RAB7A: variants seen among roughly 807,000 people sequenced by gnomAD.
RAB7A encodes the protein ras-related protein Rab-7a.
RAB7A carries 2 observed loss-of-function variants against 24.5 expected under a neutral mutation model. That is an observed-to-expected ratio of 0.08 (90% CI 0.03 to 0.26). The LOEUF (loss-of-function observed/expected upper bound fraction) is 0.26, where lower values mean the gene tolerates loss of function less well. Ranked by LOEUF, RAB7A falls within the 10% of genes least tolerant of loss-of-function variation. The pLI is 1.00. For synonymous variants in RAB7A, 100 were observed against 95.9 expected, an observed-to-expected ratio of 1.04 and a Z score of -0.25; for missense variants, 118 against 255.7, an observed-to-expected ratio of 0.46 and a Z score of 3.67.
At chr3:128,791,511 T>C (rs751677182) in intron 1 of RAB7A, among the ~76,000 whole-genome samples, 46 of 152,294 alleles carry the variant, frequency 3.0e-4, no homozygotes, top group Non-Finnish European at 5.0e-4. Context: ...CAAAATCCTT[T>C]CCTTGCATGA....
intron 2 of RAB7A, among the ~76,000 whole-genome samples, chr3:128,797,277 A>G (rs755750374): frequency 1.8e-4 from 28 of 152,200 alleles, no homozygotes; most frequent in Admixed American, 3.3e-4. Flanking sequence ...AAGAAAGGTG[A>G]TATCACTGGC....
intron 1 of RAB7A, among the ~76,000 whole-genome samples, chr3:128,729,831 A>G (rs987463136): frequency 6.6e-6 from 1 of 152,212 alleles, no homozygotes; most frequent in Non-Finnish European, 1.5e-5. Context: ...AGCTGTAGGC[A>G]GGCTTTTCCT....
intron 2 of RAB7A, among the ~76,000 whole-genome samples, chr3:128,795,815 G>A (rs1451831639): frequency 2.3e-5 from 3 of 132,358 alleles, no homozygotes; most frequent in African/African-American, 5.5e-5. Context: ...GCAGTGGCGC[G>A]ATCTCGGCTC....
At chr3:128,784,085 C>A (rs1933277983) in intron 1 of RAB7A, among the ~76,000 whole-genome samples, 1 of 152,208 alleles carries the variant, frequency 6.6e-6, no homozygotes, top group Non-Finnish European at 1.5e-5. Context: ...AGATAGACTT[C>A]AGCCATAAAA....
chr3:128,780,493 T>C (rs1476751506), intron 1 of RAB7A, among the ~76,000 whole-genome samples: 1 of 152,170 alleles, frequency 6.6e-6, no homozygotes, highest in Non-Finnish European at 1.5e-5. Context: ...CTTACCAGCT[T>C]ATAGAGAACT....
At chr3:128,785,540 G>T (rs759825955) in intron 1 of RAB7A, 2 of 152,102 alleles carry the variant, frequency 1.3e-5, no homozygotes, top group African/African-American at 2.4e-5. Flanking sequence ...AGGCAGATCA[G>T]TTGAATTCAG....
At chr3:128,759,553 A>G (rs1401849004) in intron 1 of RAB7A, among the ~76,000 whole-genome samples, 1 of 152,248 alleles carries the variant, frequency 6.6e-6, no homozygotes, top group Non-Finnish European at 1.5e-5. Flanking sequence ...AGCTTTTGAA[A>G]TAGAAGCAAA....
intron 1 of RAB7A, among the ~76,000 whole-genome samples, chr3:128,759,648 C>G (rs1161211094): frequency 6.6e-6 from 1 of 152,170 alleles, no homozygotes; most frequent in African/African-American, 2.4e-5. Context: ...GTTACAACAC[C>G]CCATGGTACC....
intron 1 of RAB7A, among the ~76,000 whole-genome samples, chr3:128,738,189 C>T (rs996564625): frequency 3.3e-5 from 5 of 152,040 alleles, no homozygotes; most frequent in African/African-American, 7.3e-5. Context: ...TGTGCCACTA[C>T]GCCCAGTTAA....
In RAB7A at chr3:128,813,622, T is replaced by A; in HGVS notation, c.*200T>A. ...ACACACGCACACACACACACACAGA[T>A]CTGACGTAATCAAACTCCAGCCCTT... On this transcript the variant is annotated 3_prime_UTR_variant, in exon 6 of 6. Coordinates refer to ENST00000265062, the MANE Select transcript of RAB7A (RefSeq NM_004637.6). The A allele has an allele frequency of 1.6e-6, 1 of 612,320 alleles. No individual in the cohort carries two copies. The highest frequency in any genetic ancestry group is 3.0e-6 in the Non-Finnish European group (1 of 333,238). The allele number at this position is 612,320 out of a possible 1,614,324, so 37.9% of individuals were successfully genotyped here. A position where few individuals can be genotyped will look rare whatever the true frequency, so the allele number is the denominator to read the frequency against.
intron 5 of RAB7A, among the ~76,000 whole-genome samples, chr3:128,809,632 C>T (rs1174599061): frequency 6.6e-6 from 1 of 152,158 alleles, no homozygotes; most frequent in Non-Finnish European, 1.5e-5. Flanking sequence ...TTTTAAGTTT[C>T]TATGTTTCCT....
chr3:128,806,741 T>C, intron 4 of RAB7A, 151 bp downstream of exon 4: 1 of 837,694 alleles, frequency 1.2e-6, no homozygotes. Context: ...CCAACTGCCT[T>C]TAAGGACCGG....
In RAB7A at chr3:128,813,593, A is replaced by G. The variant is rs1933975044; in HGVS notation, c.*171A>G. ...TACACCCCACATATCTCTCACACAC[A>G]CACACACACGCACACACACACACAC... On this transcript the variant is annotated 3_prime_UTR_variant, in exon 6 of 6. Transcript: ENST00000265062. 3.3e-6 allele frequency: 2 copies of G among 603,962 alleles called. No individual in the cohort carries two copies. Among genetic ancestry groups the G allele is most frequent in the Non-Finnish European group, 3.1e-6 (1 of 319,976 alleles). 37.4% of individuals were successfully genotyped at this position (603,962 alleles called of 1,614,324 possible).
intron 1 of RAB7A, among the ~76,000 whole-genome samples, chr3:128,774,687 C>T (rs1933037185): frequency 6.6e-6 from 1 of 152,246 alleles, no homozygotes; most frequent in African/African-American, 2.4e-5. Context: ...ATTCTCCTGC[C>T]TCAGCCTCCC....
chr3:128,764,486 C>G (rs1157519876), intron 1 of RAB7A: 2 of 783,578 alleles, frequency 2.6e-6, no homozygotes, highest in East Asian at 4.9e-5. Context: ...TTATCACTGT[C>G]TCCCAGGGTG....
chr3:128,797,093 G>C (rs1196084296), intron 2 of RAB7A, among the ~76,000 whole-genome samples: 1 of 152,190 alleles, frequency 6.6e-6, no homozygotes, highest in Non-Finnish European at 1.5e-5. Context: ...TTTTAGGCCT[G>C]CCTTCCCCAA....
chr3:128,736,262 A>G (rs568801339), intron 1 of RAB7A, among the ~76,000 whole-genome samples: 1 of 152,244 alleles, frequency 6.6e-6, no homozygotes, highest in East Asian at 1.9e-4. Context: ...TTCCAAGTTG[A>G]CAGATAATTC....
chr3:128,741,738 G>A (rs73196999), intron 1 of RAB7A, among the ~76,000 whole-genome samples: 8,206 of 152,088 alleles, frequency 0.054, 233 homozygotes, highest in Non-Finnish European at 0.058. Flanking sequence ...GGACAGTACT[G>A]CTGTCTTATT....
At chr3:128,744,330 T>C (rs535785977) in intron 1 of RAB7A, among the ~76,000 whole-genome samples, 24 of 152,286 alleles carry the variant, frequency 1.6e-4, no homozygotes, top group African/African-American at 5.5e-4. Context: ...AAAACTTTAT[T>C]AGAGGGGTTC....
Sources: allele counts gnomAD v4.1 joint callset (sites outside exome capture counted in the v4.1 genomes callset), GRCh38; gene constraint gnomAD v4.1.1; transcripts MANE v1.5; gene names NCBI Gene and HGNC (gene_info 2026-07-23, HGNC 2026-07-21).